Variants in SNX4 observed in about 807,000 individuals in gnomAD.
The protein encoded by SNX4 is sorting nexin-4.
Under a neutral mutation model 70.8 loss-of-function variants are expected in SNX4, and 49 were observed. The observed-to-expected ratio is 0.69, with a 90% CI of 0.55 to 0.88. The LOEUF (loss-of-function observed/expected upper bound fraction) is 0.88, where lower values mean the gene tolerates loss of function less well. Ranked by LOEUF, SNX4 falls within the 40% of genes least tolerant of loss-of-function variation. The pLI, the probability that SNX4 is intolerant of heterozygous loss-of-function variation, is 0.00. For synonymous variants in SNX4, 206 were observed against 183.8 expected, an observed-to-expected ratio of 1.12 and a Z score of -0.98; for missense variants, 528 against 544.8, an observed-to-expected ratio of 0.97 and a Z score of 0.31.
intron 6 of SNX4, among the ~76,000 whole-genome samples, chr3:125,482,548 C>T (rs536482812): frequency 1.1e-4 from 17 of 152,092 alleles, no homozygotes; most frequent in Admixed American, 1.1e-3. Context: ...TCCTAGCCCA[C>T]TCCCACACTC....
chr3:125,479,688 G>C (rs1934363075), intron 7 of SNX4, among the ~76,000 whole-genome samples: 1 of 152,068 alleles, frequency 6.6e-6, no homozygotes, highest in South Asian at 2.1e-4. Flanking sequence ...GTTCCTTCTA[G>C]GTTGCCACAA....
chr3:125,501,568 C>T (rs915769685), intron 2 of SNX4, among the ~76,000 whole-genome samples: 7 of 150,838 alleles, frequency 4.6e-5, no homozygotes, highest in Admixed American at 2.6e-4. Flanking sequence ...TGCAGTGAGT[C>T]AAGATCATGT....
chr3:125,456,601 C>A (rs1374892554), intron 11 of SNX4, among the ~76,000 whole-genome samples: 3 of 152,178 alleles, frequency 2.0e-5, no homozygotes, highest in African/African-American at 7.2e-5. Context: ...GAGCCCTGAT[C>A]ATACCACTGC....
intron 11 of SNX4, among the ~76,000 whole-genome samples, chr3:125,455,126 G>A (rs1933677804): frequency 6.6e-6 from 1 of 152,004 alleles, no homozygotes. Context: ...ACAGGGTCTA[G>A]CTATATTAAT....
At chr3:125,461,284 T>C (rs1053287779) in intron 9 of SNX4, among the ~76,000 whole-genome samples, 1 of 152,210 alleles carries the variant, frequency 6.6e-6, no homozygotes, top group Non-Finnish European at 1.5e-5. Flanking sequence ...GGCCCACAGA[T>C]AATTTGCTAC....
At chr3:125,519,771 C>T (rs548458705) in intron 1 of SNX4, among the ~76,000 whole-genome samples, 2 of 152,270 alleles carry the variant, frequency 1.3e-5, no homozygotes, top group South Asian at 2.1e-4. Context: ...GGGTCCCTTT[C>T]CCTCCCCTTC....
chr3:125,480,391 A>C lies in SNX4; in HGVS notation c.654-72T>G, dbSNP rs1190460407. 5 of 906,180 alleles carry C rather than the reference A, an allele frequency of 5.5e-6. No individual in the cohort carries two copies. The African/African-American group carries it at 8.5e-5, about 15-fold the overall frequency. 56.1% of individuals were successfully genotyped at this position (906,180 alleles called of 1,614,324 possible). ...CAGTCAAAAACTGAAAGAAAAAAACAGTAGTTCCCGACAATAACAAAACTG... is the reference window on the plus strand; with the variant it reads ...CAGTCAAAAACTGAAAGAAAAAAACCGTAGTTCCCGACAATAACAAAACTG... On this transcript the variant is annotated intron_variant, in intron 6 of 13. Coordinates refer to ENST00000251775, the MANE Select transcript of SNX4 (RefSeq NM_003794.4).
At chr3:125,460,921 AG>A in intron 9 of SNX4, 61 bp from the exon 10 acceptor site, 1 of 857,962 alleles carries the variant, frequency 1.2e-6, no homozygotes, top group East Asian at 2.7e-5. Context: ...ACAAAGTATT[AG>A]GGTTCTAGAG....
intron 9 of SNX4, among the ~76,000 whole-genome samples, chr3:125,468,553 A>C (rs1040270953): frequency 1.3e-4 from 20 of 152,110 alleles, no homozygotes; most frequent in African/African-American, 4.8e-4. Flanking sequence ...GAAAAAAAAA[A>C]ATTTAATTCA....
At chr3:125,504,383 G>A (rs551299803) in intron 2 of SNX4, among the ~76,000 whole-genome samples, 1 of 148,556 alleles carries the variant, frequency 6.7e-6, no homozygotes, top group African/African-American at 2.5e-5. Flanking sequence ...CTGTATGCCA[G>A]CTACTCAGGA....
At chr3:125,452,256 G>T (rs545247406) in intron 12 of SNX4, among the ~76,000 whole-genome samples, 1 of 150,846 alleles carries the variant, frequency 6.6e-6, no homozygotes, top group East Asian at 2.0e-4. Context: ...CACTGCACTC[G>T]GCTAATTTTT....
intron 10 of SNX4, among the ~76,000 whole-genome samples, chr3:125,458,965 G>A (rs755987341): frequency 1.3e-5 from 2 of 151,978 alleles, no homozygotes; most frequent in Non-Finnish European, 2.9e-5. Flanking sequence ...CCTGAGGTCA[G>A]GAGTTCAAGA....
intron 1 of SNX4, among the ~76,000 whole-genome samples, chr3:125,510,149 T>C (rs1935139424): frequency 6.6e-6 from 1 of 152,168 alleles, no homozygotes; most frequent in Non-Finnish European, 1.5e-5. Context: ...CAAAGAGATA[T>C]TTGCATATCC....
At chr3:125,499,762 T>TAAAA (rs372624115) in intron 2 of SNX4, among the ~76,000 whole-genome samples, 1 of 134,704 alleles carries the variant, frequency 7.4e-6, no homozygotes, top group Non-Finnish European at 1.7e-5. Flanking sequence ...CATAAGTGTT[T>TAAAA]AAAAAAAAAA....
rs1580010485 is a variant in SNX4, at chr3:125,509,679, G to A, written c.142-4935C>T. Among the ~76,000 whole-genome samples, 3 of 149,092 alleles carry A rather than the reference G, an allele frequency of 2.0e-5. No individual in the cohort carries two copies. In the South Asian group the frequency reaches 6.4e-4, roughly 32 times the overall value. On this transcript the variant is annotated intron_variant, in intron 1 of 13. Coordinates refer to ENST00000251775, the MANE Select transcript of SNX4 (RefSeq NM_003794.4). The stretch of plus-strand genomic sequence containing the variant: ...GAGGCAGGAGAATCACTTGAGCCTG[G>A]GAGGCAGAGGTTGCAGTGAGCTAAG...
intron 6 of SNX4, among the ~76,000 whole-genome samples, chr3:125,488,743 T>C (rs1934590337): frequency 6.6e-6 from 1 of 152,080 alleles, no homozygotes; most frequent in South Asian, 2.1e-4. Context: ...ATAAATTTGG[T>C]CCTCCAAAAC....
intron 1 of SNX4, among the ~76,000 whole-genome samples, chr3:125,505,379 G>C (rs769386888): frequency 2.0e-5 from 3 of 152,224 alleles, no homozygotes; most frequent in East Asian, 3.8e-4. Context: ...TCCCCACCTA[G>C]ACGACAACTG....
chr3:125,515,197 C>G (rs573840146), intron 1 of SNX4, among the ~76,000 whole-genome samples: 38 of 151,200 alleles, frequency 2.5e-4, no homozygotes, highest in African/African-American at 8.5e-4. Context: ...AAAAAAAATA[C>G]AAAAATTAGC....
intron 8 of SNX4, among the ~76,000 whole-genome samples, chr3:125,472,774 C>G (rs1934206163): frequency 6.6e-6 from 1 of 152,026 alleles, no homozygotes; most frequent in Non-Finnish European, 1.5e-5. Context: ...TCATTCCCCT[C>G]AATCCCCACA....
Sources: allele counts gnomAD v4.1 joint callset (sites outside exome capture counted in the v4.1 genomes callset), GRCh38; gene constraint gnomAD v4.1.1; transcripts MANE v1.5; gene names NCBI Gene and HGNC (gene_info 2026-07-23, HGNC 2026-07-21).